GMPPB: variants seen among roughly 807,000 people sequenced by gnomAD.
The protein encoded by GMPPB is GDP-mannose pyrophosphorylase B.
Under a neutral mutation model 40.3 loss-of-function variants are expected in GMPPB, and 38 were observed. That is an observed-to-expected ratio of 0.94 (90% confidence interval 0.73 to 1.24). GMPPB has a LOEUF of 1.24. Among genes scored for constraint, GMPPB ranks in the 50% most tolerant of loss-of-function variants. The pLI is 0.00. For missense variants in GMPPB, 436 were observed against 487.1 expected, an observed-to-expected ratio of 0.90 and a Z score of 0.99; for synonymous variants, 193 against 191.8, an observed-to-expected ratio of 1.01 and a Z score of -0.05.
rs778764067 is a variant in GMPPB, at chr3:49,722,707, C to G, written c.450G>C (p.Glu150Asp). ...EPSKYGVVVC[E>D]ADTGRIHRFV... ...ACCGGTGAATGCGGCCTGTGTCAGC[C>G]TCACACACCACCACACCGTACTTGG... Residue 150 changes from glutamate to aspartate, a missense_variant, in exon 5 of 9, where the codon GAG becomes GAC. Physicochemically the swap from Glu to Asp is conservative, Grantham distance 45. Coordinates refer to ENST00000308388, the MANE Select transcript of GMPPB (RefSeq NM_021971.4). 1 of 1,613,680 alleles carries G rather than the reference C, an allele frequency of 6.2e-7. No homozygotes were observed. Among genetic ancestry groups the G allele is most frequent in the African/African-American group, 1.3e-5 (1 of 74,934 alleles).
Position 49,720,413 on chromosome 3 carries a change from TCATGTACGAGC to T in GMPPB, c.*1328_*1338del. On this transcript the variant is annotated 3_prime_UTR_variant, in exon 9 of 9. Coordinates refer to ENST00000308388, the MANE Select transcript of GMPPB (RefSeq NM_021971.4). ...GACGGAAAGGATGCAGGGGGGGTGA[TCATGTACGAGC>T]CATGGCACTCCTCATTGGCAATCCC... is the stretch of plus-strand genomic sequence containing the variant. 8.0e-7 allele frequency: 1 copy of T among 1,242,770 alleles called. No homozygotes were observed. 77.0% of individuals were successfully genotyped at this position (1,242,770 alleles called of 1,614,324 possible).
At position 49,720,642 on chromosome 3, in the gene GMPPB, C is replaced by G; in HGVS notation, c.*1110G>C. The G allele has an allele frequency of 6.3e-7, 1 of 1,599,044 alleles. No homozygotes were observed. The highest frequency in any genetic ancestry group is 1.3e-5 in the African/African-American group (1 of 74,806). On this transcript the variant is annotated 3_prime_UTR_variant, in exon 9 of 9. Coordinates refer to ENST00000308388, the MANE Select transcript of GMPPB (RefSeq NM_021971.4). ...CCAGCCCCTGACCGGAAGCGCTTCT[C>G]CCTGCAGAGCTGTGAGTGGGCTGGT...
Position 49,721,368 on chromosome 3 carries a change from T to C in GMPPB, c.*384A>G. The C allele has an allele frequency of 6.2e-7, 1 of 1,606,418 alleles. No homozygotes were observed. Among genetic ancestry groups the C allele is most frequent in the Non-Finnish European group, 8.5e-7 (1 of 1,173,234 alleles). Reference sequence around the variant, plus strand: ...GAACCCAGAGCCAGGCTGGGCCCTATTTATGAGCTCCCTTTGCCCTTCTCC... The same window carrying C: ...GAACCCAGAGCCAGGCTGGGCCCTACTTATGAGCTCCCTTTGCCCTTCTCC... On this transcript the variant is annotated 3_prime_UTR_variant, in exon 9 of 9. Transcript: ENST00000308388.
chr3:49,723,929 A>C lies in GMPPB; in HGVS notation c.-203T>G. ...CACAACACAGAACGCGACACCGGGTAGACGGCTGCTGGCCCCGAACTCAGG... is the reference window on the plus strand; with the variant it reads ...CACAACACAGAACGCGACACCGGGTCGACGGCTGCTGGCCCCGAACTCAGG... On this transcript the variant is annotated 5_prime_UTR_variant, in exon 1 of 9. Transcript: ENST00000308388. 1.9e-6 allele frequency: 1 copy of C among 516,782 alleles called. No individual in the cohort carries two copies. The highest frequency in any genetic ancestry group is 3.3e-6 in the Non-Finnish European group (1 of 304,464). 32.0% of individuals were successfully genotyped at this position (516,782 alleles called of 1,614,324 possible).
In GMPPB at chr3:49,721,882, A is replaced by G. The variant is rs559784211; in HGVS notation, c.953T>C (p.Val318Ala). The G allele has an allele frequency of 1.4e-5, 23 of 1,613,830 alleles. No individual in the cohort carries two copies. The Admixed American group carries it at 2.5e-4, about 18-fold the overall frequency. Residue 318 changes from valine (V) to alanine (A), a missense_variant and splice_region_variant, in exon 9 of 9, where the codon GTA becomes GCA. Transcript: ENST00000308388. ...CAGCACTGTCACGTTCTCCATGCGT[A>G]CCTCCAGGAGAGGATAGGCCTTGTC... ...VGWRCRVGQW[V>A]RMENVTVLGE...
rs758366693 is a variant in GMPPB at position 49,723,000 on chromosome 3, C to T, written c.374G>A (p.Arg125Gln). The change falls in exon 4 of 9, where the codon CGG (arginine) becomes CAG (glutamine). Residue 125 changes from arginine (R) to glutamine (Q), a missense_variant. Physicochemically the swap from Arg to Gln is conservative, Grantham distance 43 (BLOSUM62 1). Coordinates refer to ENST00000308388, the MANE Select transcript of GMPPB (RefSeq NM_021971.4). ...FPFQAMVQFHRHHGQEGSILV... is the reference protein window; with the variant it reads ...FPFQAMVQFHQHHGQEGSILV... ...GATGGAGCCCTCCTGGCCATGGTGCCGGTGGAACTGCACCATGGCTTGGAA... is the reference window on the plus strand; with the variant it reads ...GATGGAGCCCTCCTGGCCATGGTGCTGGTGGAACTGCACCATGGCTTGGAA... 7 of 1,613,446 alleles carry T rather than the reference C, an allele frequency of 4.3e-6. No homozygotes were observed. Among genetic ancestry groups the T allele is most frequent in the South Asian group, 1.1e-5 (1 of 91,054 alleles).
In GMPPB at chr3:49,723,649, C is replaced by T. The variant is rs2080460657; in HGVS notation, c.78G>A (p.Val26=). 3 of 1,583,482 alleles carry T rather than the reference C, an allele frequency of 1.9e-6. No individual in the cohort carries two copies. Among genetic ancestry groups the T allele is most frequent in the Non-Finnish European group, 2.6e-6 (3 of 1,165,428 alleles). Residue 26 remains valine (V), a synonymous_variant, in exon 1 of 9, where the codon GTG becomes GTA. Coordinates refer to ENST00000308388, the MANE Select transcript of GMPPB (RefSeq NM_021971.4). ...GCAAGATGGGCTTATTGCAGAAGTCCACCAGTGGCTTCGGGGTGCTCAGCG... is the reference window on the plus strand; with the variant it reads ...GCAAGATGGGCTTATTGCAGAAGTCTACCAGTGGCTTCGGGGTGCTCAGCG... ...PLTLSTPKPL[V]DFCNKPILLH...
rs559649410 is a variant in GMPPB at position 49,722,816 on chromosome 3, C to T, written c.403-62G>A. The T allele has an allele frequency of 2.4e-5, 38 of 1,553,902 alleles. No homozygotes were observed. In the East Asian group the frequency reaches 2.5e-4, roughly 10 times the overall value. On this transcript the variant is annotated intron_variant, in intron 4 of 8. Transcript: ENST00000308388. Reference sequence around the variant, plus strand: ...TGTTCCTAAGCCTTGATACACATGCCGTTCCAGATCTCAAGAGACTCTGCC... The same window carrying T: ...TGTTCCTAAGCCTTGATACACATGCTGTTCCAGATCTCAAGAGACTCTGCC...
chr3:49,721,675 G>A lies in GMPPB; in HGVS notation c.*77C>T. On this transcript the variant is annotated 3_prime_UTR_variant, in exon 9 of 9. Transcript: ENST00000308388. ...CCCCAGACAAATAATGACAAGTCCA[G>A]GGTCTTCTGATGTGTCAGGCCAGCA... 2.9e-6 allele frequency: 4 copies of A among 1,356,076 alleles called. No individual in the cohort carries two copies. Among genetic ancestry groups the A allele is most frequent in the Non-Finnish European group, 4.1e-6 (4 of 977,974 alleles). The allele number at this position is 1,356,076 out of a possible 1,614,324, so 84.0% of individuals were successfully genotyped here.
chr3:49,723,722 T>G lies in GMPPB; in HGVS notation c.5A>C (p.Lys2Thr). 6.3e-7 allele frequency: 1 copy of G among 1,587,740 alleles called. No homozygotes were observed. Among genetic ancestry groups the G allele is most frequent in the South Asian group, 1.1e-5 (1 of 87,662 alleles). ...ATAGCCCCCCACTAAGATCAGTGCC[T>G]TCATCGCGCCTGCGGACGTTGAGGG... is the stretch of plus-strand genomic sequence containing the variant. M[K>T]ALILVGGYGT... The change falls in exon 1 of 9, where the codon AAG becomes ACG. Residue 2 changes from lysine to threonine, a missense_variant. Lys to Thr is a moderately conservative substitution (Grantham distance 78). Transcript: ENST00000308388.
chr3:49,721,703 C>T lies in GMPPB; in HGVS notation c.*49G>A, dbSNP rs745723851. On this transcript the variant is annotated 3_prime_UTR_variant, in exon 9 of 9. Coordinates refer to ENST00000308388, the MANE Select transcript of GMPPB (RefSeq NM_021971.4). ...TCTTCTGATGTGTCAGGCCAGCACT[C>T]CCCTTGCTGATGGGAAAACCGGGGC... 6.5e-7 allele frequency: 1 copy of T among 1,531,516 alleles called. No individual in the cohort carries two copies. The highest frequency in any genetic ancestry group is 8.8e-7 in the Non-Finnish European group (1 of 1,131,474). 94.9% of individuals were successfully genotyped at this position (1,531,516 alleles called of 1,614,324 possible).
chr3:49,722,855 G>A, intron 4 of GMPPB, 101 bp from the exon 5 acceptor site: 1 of 1,506,510 alleles, frequency 6.6e-7, no homozygotes, highest in South Asian at 1.2e-5. Context: ...AGTGCTTAAA[G>A]ATACATACTG....
In GMPPB at chr3:49,720,805, G is replaced by A. The variant is rs1559694603; in HGVS notation, c.*947C>T. 1 of 1,614,168 alleles carries A rather than the reference G, an allele frequency of 6.2e-7. No individual in the cohort carries two copies. The highest frequency in any genetic ancestry group is 8.5e-7 in the Non-Finnish European group (1 of 1,180,026). ...CACTACCTACCACTCCCCAGATGCGGATTATATCAGTGCCGATGAGCTGGC... is the reference window on the plus strand; with the variant it reads ...CACTACCTACCACTCCCCAGATGCGAATTATATCAGTGCCGATGAGCTGGC... On this transcript the variant is annotated 3_prime_UTR_variant, in exon 9 of 9. Transcript: ENST00000308388.
chr3:49,723,801 A>C lies in GMPPB; in HGVS notation c.-75T>G. ...CCCGCCTGGCCGGTCCCTGCCGCGC[A>C]CTCCCAACGCCGTGCCCGGCCCCGC... On this transcript the variant is annotated 5_prime_UTR_variant, in exon 1 of 9. Coordinates refer to ENST00000308388, the MANE Select transcript of GMPPB (RefSeq NM_021971.4). The C allele has an allele frequency of 6.8e-7, 1 of 1,466,980 alleles. No individual in the cohort carries two copies. The highest frequency in any genetic ancestry group is 2.4e-5 in the East Asian group (1 of 41,128). The allele number at this position is 1,466,980 out of a possible 1,614,324, so 90.9% of individuals were successfully genotyped here. A position where few individuals can be genotyped will look rare whatever the true frequency, so the allele number is the denominator to read the frequency against.
At position 49,721,544 on chromosome 3, in the gene GMPPB, C is replaced by A; in HGVS notation, c.*208G>T. The A allele has an allele frequency of 1.2e-6, 1 of 804,044 alleles. No homozygotes were observed. Among genetic ancestry groups the A allele is most frequent in the Non-Finnish European group, 2.1e-6 (1 of 475,298 alleles). 49.8% of individuals were successfully genotyped at this position (804,044 alleles called of 1,614,324 possible). ...TATTCCATACAGCCCTGGCCCTGGCCCTTCTTGAGGGAGTGGGGTTTGTGG... is the reference window on the plus strand; with the variant it reads ...TATTCCATACAGCCCTGGCCCTGGCACTTCTTGAGGGAGTGGGGTTTGTGG... On this transcript the variant is annotated 3_prime_UTR_variant, in exon 9 of 9. Transcript: ENST00000308388.
chr3:49,720,602 C>G lies in GMPPB; in HGVS notation c.*1150G>C, dbSNP rs780185122. 6 of 1,610,538 alleles carry G rather than the reference C, an allele frequency of 3.7e-6. No individual in the cohort carries two copies. The highest frequency in any genetic ancestry group is 4.2e-6 in the Non-Finnish European group (5 of 1,177,706). On this transcript the variant is annotated 3_prime_UTR_variant, in exon 9 of 9. Coordinates refer to ENST00000308388, the MANE Select transcript of GMPPB (RefSeq NM_021971.4). The stretch of plus-strand genomic sequence containing the variant: ...CCTGGGACAGCCAGAGCCCCCAGCA[C>G]CTGGCACTGCTCTGCCAGCCCCTGA...
In GMPPB at chr3:49,720,689, G is replaced by C. The variant is rs1485235413; in HGVS notation, c.*1063C>G. 1.3e-6 allele frequency: 2 copies of C among 1,596,252 alleles called. No individual in the cohort carries two copies. Among genetic ancestry groups the C allele is most frequent in the Middle Eastern group, 1.7e-4 (1 of 5,992 alleles). ...TGGTGGGGCAGGTCAGGGAAATCTG[G>C]GGCTGGGTCGGGTCAGGAGCCTTAA... On this transcript the variant is annotated 3_prime_UTR_variant, in exon 9 of 9. Transcript: ENST00000308388.
rs1559693446 is a variant in GMPPB, at chr3:49,720,063, C to G, written c.*1689G>C. 1 of 159,936 alleles carries G rather than the reference C, an allele frequency of 6.3e-6. No homozygotes were observed. Among genetic ancestry groups the G allele is most frequent in the Non-Finnish European group, 1.4e-5 (1 of 72,680 alleles). 9.9% of individuals were successfully genotyped at this position (159,936 alleles called of 1,614,324 possible). The stretch of plus-strand genomic sequence containing the variant: ...GGGCGCGGTGGCTCACGCCTGTAAT[C>G]CCAGCACTTTGGGAAGCCAAGGCAG... On this transcript the variant is annotated 3_prime_UTR_variant, in exon 9 of 9. Coordinates refer to ENST00000308388, the MANE Select transcript of GMPPB (RefSeq NM_021971.4).
At position 49,720,886 on chromosome 3, in the gene GMPPB, G is replaced by C; in HGVS notation, c.*866C>G. 1.2e-6 allele frequency: 2 copies of C among 1,614,142 alleles called. No homozygotes were observed. Among genetic ancestry groups the C allele is most frequent in the Non-Finnish European group, 1.7e-6 (2 of 1,180,014 alleles). On this transcript the variant is annotated 3_prime_UTR_variant, in exon 9 of 9. Coordinates refer to ENST00000308388, the MANE Select transcript of GMPPB (RefSeq NM_021971.4). ...CTCTGCATCTGCCCAGGCAGCAGCT[G>C]CCTCCCTGGTGAGTGGGAACACGGT...
Sources: allele counts gnomAD v4.1 joint callset, GRCh38; gene constraint gnomAD v4.1.1; transcripts MANE v1.5; gene names NCBI Gene and HGNC (gene_info 2026-07-23, HGNC 2026-07-21).